The following PMS1 variants were observed in gnomAD, a reference collection of about 807,000 sequenced individuals.
PMS1 encodes the protein PMS1 protein homolog 1.
Under a neutral mutation model 93.1 loss-of-function variants are expected in PMS1, and 79 were observed. The observed-to-expected ratio is 0.85, with a 90% CI of 0.71 to 1.02. The LOEUF (loss-of-function observed/expected upper bound fraction) is 1.02, where lower values mean the gene tolerates loss of function less well. Ranked by LOEUF, PMS1 falls within the 50% of genes least tolerant of loss-of-function variation. The pLI, the probability that PMS1 is intolerant of heterozygous loss-of-function variation, is 0.00. For synonymous variants in PMS1, 335 were observed against 363.4 expected, an observed-to-expected ratio of 0.92 and a Z score of 0.89; for missense variants, 1,064 against 1,085.3, an observed-to-expected ratio of 0.98 and a Z score of 0.28.
chr2:189,820,110 G>GT (rs1399333107), intron 5 of PMS1, among the ~76,000 whole-genome samples: 6 of 152,194 alleles, frequency 3.9e-5, no homozygotes, highest in African/African-American at 9.6e-5. Context: ...CCTGTGCTAG[G>GT]TGTATTAGTT....
intron 5 of PMS1, among the ~76,000 whole-genome samples, chr2:189,827,533 T>C (rs1202122041): frequency 6.6e-6 from 1 of 152,216 alleles, no homozygotes; most frequent in Non-Finnish European, 1.5e-5. Flanking sequence ...GGTAGAAAGT[T>C]CTGCAATAAA....
At chr2:189,813,560 G>A (rs377371219) in intron 4 of PMS1, among the ~76,000 whole-genome samples, 75 of 152,244 alleles carry the variant, frequency 4.9e-4, no homozygotes, top group African/African-American at 1.7e-3. Flanking sequence ...TGAATTTTGT[G>A]CAATATTAAT....
chr2:189,789,405 G>C (rs2048646630), intron 1 of PMS1, among the ~76,000 whole-genome samples: 2 of 152,130 alleles, frequency 1.3e-5, no homozygotes, highest in Admixed American at 1.3e-4. Flanking sequence ...TGTAATAAAG[G>C]TGAACCCCCA....
intron 11 of PMS1, 146 bp from the exon 12 acceptor site, chr2:189,873,350 G>T: frequency 1.7e-6 from 1 of 601,324 alleles, no homozygotes; most frequent in Non-Finnish European, 3.0e-6. Flanking sequence ...ATTACTATTT[G>T]TTCTCCAACT....
At chr2:189,830,548 A>G (rs1455243725) in intron 5 of PMS1, among the ~76,000 whole-genome samples, 1 of 152,064 alleles carries the variant, frequency 6.6e-6, no homozygotes, top group East Asian at 1.9e-4. Flanking sequence ...CCAATATGCT[A>G]TATATTTTAT....
intron 5 of PMS1, among the ~76,000 whole-genome samples, chr2:189,819,755 T>C (rs1160076233): frequency 6.6e-6 from 1 of 152,204 alleles, no homozygotes; most frequent in Non-Finnish European, 1.5e-5. Context: ...TTCTTATACC[T>C]TCTGGATGTT....
At chr2:189,843,511 C>G (rs1393862476) in intron 5 of PMS1, among the ~76,000 whole-genome samples, 1 of 152,186 alleles carries the variant, frequency 6.6e-6, no homozygotes, top group African/African-American at 2.4e-5. Context: ...TTATGTAAAT[C>G]CTGTAACATA....
intron 6 of PMS1, among the ~76,000 whole-genome samples, chr2:189,846,744 G>A (rs537482848): frequency 5.3e-5 from 8 of 152,138 alleles, no homozygotes; most frequent in East Asian, 1.9e-4. Context: ...TTGCACTTTC[G>A]CTTGTTGATA....
chr2:189,814,847 C>T (rs924137593), intron 4 of PMS1, among the ~76,000 whole-genome samples: 5 of 152,106 alleles, frequency 3.3e-5, no homozygotes, highest in Admixed American at 2.0e-4. Flanking sequence ...CCTGTAATCC[C>T]AGCACTTTGG....
chr2:189,798,722 A>ATT (rs796962677), intron 3 of PMS1, among the ~76,000 whole-genome samples: 3 of 114,864 alleles, frequency 2.6e-5, no homozygotes, highest in African/African-American at 6.5e-5. Flanking sequence ...TCTAGAAGTC[A>ATT]TTTTTTTTTT....
chr2:189,877,457 T>A lies in PMS1; in HGVS notation c.*21T>A. ...CATGATTAAATATGTTTAAGAAGAT[T>A]AGTTACCATTGAAATTGGTTCTGTC... is the stretch of plus-strand genomic sequence containing the variant. On this transcript the variant is annotated 3_prime_UTR_variant, in exon 13 of 13. Coordinates refer to ENST00000441310, the MANE Select transcript of PMS1 (RefSeq NM_000534.5). The A allele has an allele frequency of 1.3e-6, 2 of 1,545,758 alleles. No homozygotes were observed. Among genetic ancestry groups the A allele is most frequent in the Non-Finnish European group, 8.9e-7 (1 of 1,118,768 alleles).
rs567568410 is a variant in PMS1 at position 189,863,755 on chromosome 2, G to C, written c.1869G>C (p.Lys623Asn). 4 of 1,588,976 alleles carry C rather than the reference G, an allele frequency of 2.5e-6. No homozygotes were observed. The South Asian group carries it at 3.3e-5, about 13-fold the overall frequency. The change falls in exon 10 of 13, where the codon AAG becomes AAC. Residue 623 changes from lysine to asparagine, a missense_variant. Transcript: ENST00000441310. ...TTTCTATTCTTAGATATGAAGAGAA[G>C]GCTACTAAAGACTTGGAACGATACA... ...SEEEKLKYEE[K>N]ATKDLERYNS... is the part of the protein sequence containing the mutation.
intron 6 of PMS1, among the ~76,000 whole-genome samples, chr2:189,849,251 A>G (rs1215975083): frequency 6.6e-6 from 1 of 152,124 alleles, no homozygotes; most frequent in Non-Finnish European, 1.5e-5. Flanking sequence ...ATCCTTTTTG[A>G]CATCTGTCTT....
chr2:189,807,074 A>C (rs1187426077), intron 4 of PMS1: 1 of 178,270 alleles, frequency 5.6e-6, no homozygotes, highest in Non-Finnish European at 1.2e-5. Flanking sequence ...TCTTCATTTC[A>C]TGTATAAAAT....
chr2:189,846,244 G>C lies in PMS1; in HGVS notation c.699+2164G>C, dbSNP rs546012654. On this transcript the variant is annotated intron_variant, in intron 6 of 12. Coordinates refer to ENST00000441310, the MANE Select transcript of PMS1 (RefSeq NM_000534.5). ...ATGCAAAAATTGGCCCGGTGTGGTGGCTCACACCTGTAATCCCAGCACTTT... is the reference window on the plus strand; with the variant it reads ...ATGCAAAAATTGGCCCGGTGTGGTGCCTCACACCTGTAATCCCAGCACTTT... Among the ~76,000 whole-genome samples, 6 of 152,118 alleles carry C rather than the reference G, an allele frequency of 3.9e-5. No homozygotes were observed. In the East Asian group the frequency reaches 1.2e-3, roughly 30 times the overall value.
intron 4 of PMS1, among the ~76,000 whole-genome samples, chr2:189,810,266 A>G (rs1357800579): frequency 1.3e-5 from 2 of 152,222 alleles, no homozygotes; most frequent in Non-Finnish European, 2.9e-5. Flanking sequence ...GACCATTGCT[A>G]TCTGCGTAGC....
Position 189,784,590 on chromosome 2 carries a change from G to C in PMS1, c.-24G>C, listed in dbSNP as rs5742933. On this transcript the variant is annotated 5_prime_UTR_variant, in exon 1 of 13. Transcript: ENST00000441310. The stretch of plus-strand genomic sequence containing the variant: ...GTAATTGCCTGCCTCGCGCTAGCAG[G>C]AAGGTAGTGTGGTGTGACTAACGGG... The C allele has an allele frequency of 0.23, 34,890 of 153,002 alleles. 4,237 individuals carry two copies. The highest frequency in any genetic ancestry group is 0.3 in the African/African-American group (12,296 of 41,544). 9.5% of individuals were successfully genotyped at this position (153,002 alleles called of 1,614,324 possible). A position where few individuals can be genotyped will look rare whatever the true frequency, so the allele number is the denominator to read the frequency against.
chr2:189,835,410 C>A (rs887109939), intron 5 of PMS1, among the ~76,000 whole-genome samples: 1 of 152,118 alleles, frequency 6.6e-6, no homozygotes, highest in Non-Finnish European at 1.5e-5. Context: ...TAATTTTATA[C>A]TGAATTCAAA....
chr2:189,798,707 A>G (rs1008952612), intron 3 of PMS1, among the ~76,000 whole-genome samples: 2 of 149,598 alleles, frequency 1.3e-5, no homozygotes, highest in African/African-American at 5.0e-5. Flanking sequence ...GCTGTCAGTG[A>G]CTACTCTAGA....
Sources: gnomAD v4.1 joint callset for allele counts (sites outside exome capture counted in the v4.1 genomes callset) on GRCh38, gnomAD v4.1.1 for gene constraint, MANE v1.5 for transcripts, NCBI Gene and HGNC (gene_info 2026-07-23, HGNC 2026-07-21) for gene names.